The following ZNF420 variants were observed in gnomAD, a reference collection of about 807,000 sequenced individuals.
The protein encoded by ZNF420 is zinc finger protein 420, also known as ATM and p53-associated KZNF protein.
ZNF420 carries 31 observed loss-of-function variants against 44.7 expected under a neutral mutation model. The observed-to-expected ratio is 0.69, with a 90% confidence interval of 0.52 to 0.94. The LOEUF (loss-of-function observed/expected upper bound fraction) is 0.94. ZNF420 is among the 40% of genes least tolerant of loss of function. ZNF420 has a pLI of 0.00. For missense variants in ZNF420, 681 were observed against 827.9 expected (o/e 0.82, Z 2.18); for synonymous variants, 245 against 267.4 (o/e 0.92, Z 0.82).
At chr19:37,015,438 C>T (rs562954071) in intron 1 of ZNF420, among the ~76,000 whole-genome samples, 1 of 152,284 alleles carries the variant, frequency 6.6e-6, no homozygotes, top group African/African-American at 2.4e-5. Flanking sequence ...AGTCCTGTGG[C>T]ACATCCAGGG....
rs1291725052 is a variant in ZNF420, at chr19:37,088,933, G to T, written c.-80-106G>T. ...GTCTGTCCCCCTTAGTGTGTGTTTT[G>T]GGGGTGGGAGAAACAGGAAGAAAAG... On this transcript the variant is annotated intron_variant, in intron 2 of 4. Coordinates refer to ENST00000337995, the MANE Select transcript of ZNF420 (RefSeq NM_144689.5). 8.2e-6 allele frequency: 5 copies of T among 611,250 alleles called. No homozygotes were observed. The East Asian group carries it at 1.4e-4, about 17-fold the overall frequency. 37.9% of individuals were successfully genotyped at this position (611,250 alleles called of 1,614,324 possible).
chr19:37,024,642 G>A (rs1599600347), intron 1 of ZNF420, among the ~76,000 whole-genome samples: 1 of 152,220 alleles, frequency 6.6e-6, no homozygotes, highest in East Asian at 1.9e-4. Flanking sequence ...TAGAGACGGG[G>A]TTTCACTATG....
chr19:37,023,796 T>C (rs545679582), intron 1 of ZNF420, among the ~76,000 whole-genome samples: 3 of 152,322 alleles, frequency 2.0e-5, no homozygotes, highest in African/African-American at 7.2e-5. Flanking sequence ...ACAAACAAAT[T>C]GATACCTAAT....
intron 2 of ZNF420, among the ~76,000 whole-genome samples, chr19:37,083,604 G>GTT (rs1968594264): frequency 6.6e-6 from 1 of 152,192 alleles, no homozygotes; most frequent in Non-Finnish European, 1.5e-5. Flanking sequence ...TGTATGGCAA[G>GTT]TGGAAGGTTT....
chr19:37,048,360 T>G (rs1174116609), intron 1 of ZNF420, among the ~76,000 whole-genome samples: 1 of 152,224 alleles, frequency 6.6e-6, no homozygotes. Context: ...AATGAATTGA[T>G]TCTAAAGCTT....
intron 4 of ZNF420, among the ~76,000 whole-genome samples, chr19:37,108,565 A>G (rs543165287): frequency 1.3e-5 from 2 of 152,314 alleles, no homozygotes; most frequent in East Asian, 3.9e-4. Flanking sequence ...ATGGCTTATG[A>G]TCTCCTGTTT....
chr19:37,072,476 G>A (rs1968073470), intron 1 of ZNF420, among the ~76,000 whole-genome samples: 1 of 152,142 alleles, frequency 6.6e-6, no homozygotes, highest in South Asian at 2.1e-4. Context: ...TTAATTTGGG[G>A]GAGAAGATGT....
intron 1 of ZNF420, among the ~76,000 whole-genome samples, chr19:37,026,663 T>C (rs2098645403): frequency 6.6e-6 from 1 of 151,950 alleles, no homozygotes. Context: ...GGTTTTGCCA[T>C]GTTGGCCAGG....
rs60941425 is a variant in ZNF420, at chr19:37,118,124, G to A, written c.137-9004G>A. Reference sequence around the variant, plus strand: ...TTCAGATTCAGGAAATACAGAGAACGCCACAAAGATACTTCTCGAGAAGAG... The same window carrying A: ...TTCAGATTCAGGAAATACAGAGAACACCACAAAGATACTTCTCGAGAAGAG... On this transcript the variant is annotated intron_variant, in intron 4 of 4. Coordinates refer to ENST00000337995, the MANE Select transcript of ZNF420 (RefSeq NM_144689.5). Among the ~76,000 whole-genome samples the A allele has an allele frequency of 2.9e-3, 436 of 152,172 alleles. 3 individuals carry two copies. The highest frequency in any genetic ancestry group is 9.9e-3 in the African/African-American group (413 of 41,530).
At chr19:37,008,624 A>T (rs2146363542) in intron 1 of ZNF420, among the ~76,000 whole-genome samples, 1 of 152,330 alleles carries the variant, frequency 6.6e-6, no homozygotes, top group Non-Finnish European at 1.5e-5. Context: ...CCACACCACG[A>T]CACAGGCTTA....
chr19:37,100,014 C>T (rs889333635), intron 4 of ZNF420, among the ~76,000 whole-genome samples: 6 of 152,122 alleles, frequency 3.9e-5, no homozygotes, highest in African/African-American at 1.4e-4. Flanking sequence ...TTTGTCAGTG[C>T]TTTTGAGGTA....
At chr19:37,121,535 T>C (rs1444407909) in intron 4 of ZNF420, among the ~76,000 whole-genome samples, 15 of 152,132 alleles carry the variant, frequency 9.9e-5, no homozygotes, top group Middle Eastern at 3.4e-3. Context: ...GAAGAAAACC[T>C]AGGCAATACC....
chr19:37,059,654 G>A (rs1432467291), intron 1 of ZNF420, among the ~76,000 whole-genome samples: 1 of 152,192 alleles, frequency 6.6e-6, no homozygotes, highest in Admixed American at 6.5e-5. Flanking sequence ...CGTGCCCGCC[G>A]TGATCTCGAG....
At chr19:37,030,313 C>T (rs1161434850) in intron 1 of ZNF420, among the ~76,000 whole-genome samples, 2 of 152,124 alleles carry the variant, frequency 1.3e-5, no homozygotes. Flanking sequence ...AGGCGTGTGC[C>T]AACACACCAG....
At position 37,127,607 on chromosome 19, in the gene ZNF420, CA is replaced by C. The variant is rs1568482012; in HGVS notation, c.619del (p.Ser207AlafsTer144). 1.2e-6 allele frequency: 2 copies of C among 1,613,860 alleles called. No homozygotes were observed. Among genetic ancestry groups the C allele is most frequent in the Non-Finnish European group, 1.7e-6 (2 of 1,179,916 alleles). ...TAAGGAATGTGGGAAGGCCTTTACT[CA>C]AAGCTCACAACTTATTTTACATCAT... ...ACKECGKAFT[Q>X]SSQLILHHRI... On this transcript the variant is annotated frameshift_variant, in exon 5 of 5. Transcript: ENST00000337995. LOFTEE classifies it high-confidence loss of function.
chr19:37,049,588 T>C (rs1382174910), intron 1 of ZNF420, among the ~76,000 whole-genome samples: 2 of 152,236 alleles, frequency 1.3e-5, no homozygotes, highest in African/African-American at 4.8e-5. Context: ...GTAAATTTGT[T>C]TGAGTTCATT....
At position 37,052,861 on chromosome 19, in the gene ZNF420, A is replaced by T. The variant is rs1251463768; in HGVS notation, c.-124-27484A>T. ...TGTCTTGGAGTTGCTGTTCTCGAGG[A>T]GTATCTTTGTGGTGTTCCCTGTATT... On this transcript the variant is annotated intron_variant, in intron 1 of 4. Coordinates refer to the ZNF420 transcript ENST00000587029. Among the ~76,000 whole-genome samples, 25 of 151,922 alleles carry T rather than the reference A, an allele frequency of 1.6e-4. 1 individual carries two copies. The highest frequency in any genetic ancestry group is 1.6e-3 in the Admixed American group (24 of 15,256).
At chr19:37,062,362 A>G (rs1967893542) in intron 1 of ZNF420, among the ~76,000 whole-genome samples, 1 of 152,216 alleles carries the variant, frequency 6.6e-6, no homozygotes, top group South Asian at 2.1e-4. Context: ...AGTAAAGAAG[A>G]TATGGAGAGG....
chr19:37,077,125 CA>C (rs777217821), upstream of ZNF420, among the ~76,000 whole-genome samples: 22 of 152,090 alleles, frequency 1.4e-4, no homozygotes, highest in Non-Finnish European at 2.9e-4. Flanking sequence ...TTTGATTATT[CA>C]AAAATCATAA....
Sources: gnomAD v4.1 joint callset for allele counts (sites outside exome capture counted in the v4.1 genomes callset) on GRCh38, gnomAD v4.1.1 for gene constraint, MANE v1.5 for transcripts, NCBI Gene and HGNC (gene_info 2026-07-23, HGNC 2026-07-21) for gene names.